Variants in WDR7 observed in about 807,000 individuals in gnomAD.
WDR7 encodes WD repeat domain 7.
WDR7 carries 46 observed loss-of-function variants against 169.4 expected under a neutral mutation model. That is an observed-to-expected ratio of 0.27 (90% confidence interval 0.21 to 0.35). WDR7 has a LOEUF of 0.35. Among genes scored for constraint, WDR7 ranks in the 10% least tolerant of loss-of-function variants. The pLI, the probability that WDR7 is intolerant of heterozygous loss-of-function variation, is 1.00. For missense variants in WDR7, 1,534 were observed against 1,859.3 expected (o/e 0.83, Z 3.22); for synonymous variants, 612 against 666.8 (o/e 0.92, Z 1.27).
intron 20 of WDR7, among the ~76,000 whole-genome samples, chr18:56,874,791 G>A (rs1184666612): frequency 6.6e-6 from 1 of 152,012 alleles, no homozygotes; most frequent in Admixed American, 6.5e-5. Flanking sequence ...AGAATAAAGT[G>A]TGATGTGCGG....
At chr18:56,957,254 A>T (rs1301317164) in intron 25 of WDR7, 1 of 152,162 alleles carries the variant, frequency 6.6e-6, no homozygotes, top group Non-Finnish European at 1.5e-5. Context: ...TCACTTTTGT[A>T]TTAAAGGTTA....
At chr18:56,700,822 G>A (rs992988463) in intron 12 of WDR7, among the ~76,000 whole-genome samples, 1 of 152,054 alleles carries the variant, frequency 6.6e-6, no homozygotes, top group Admixed American at 6.5e-5. Context: ...GCCCGCCTCG[G>A]CCTCCCAAAG....
At chr18:57,008,755 A>G (rs1209352014) in intron 26 of WDR7, among the ~76,000 whole-genome samples, 1 of 152,166 alleles carries the variant, frequency 6.6e-6, no homozygotes, top group Non-Finnish European at 1.5e-5. Context: ...TGTTGATTGC[A>G]CCATACCATA....
At chr18:56,831,405 T>G (rs1298633108) in intron 20 of WDR7, among the ~76,000 whole-genome samples, 1 of 152,052 alleles carries the variant, frequency 6.6e-6, no homozygotes, top group Non-Finnish European at 1.5e-5. Context: ...ACTCTGACAA[T>G]AGATGCTGAA....
chr18:56,877,671 A>C (rs2046044149), intron 20 of WDR7, among the ~76,000 whole-genome samples: 1 of 152,236 alleles, frequency 6.6e-6, no homozygotes, highest in Admixed American at 6.5e-5. Flanking sequence ...GTCACTGCTT[A>C]TCCATGCATA....
chr18:56,721,359 G>A (rs1238721391), intron 13 of WDR7: 1 of 152,084 alleles, frequency 6.6e-6, no homozygotes, highest in African/African-American at 2.4e-5. Flanking sequence ...AGTTCCCTGT[G>A]AAATCCAGTC....
intron 13 of WDR7, among the ~76,000 whole-genome samples, chr18:56,718,862 A>AT (rs1212155532): frequency 5.3e-5 from 8 of 152,178 alleles, no homozygotes; most frequent in African/African-American, 1.9e-4. Flanking sequence ...TTTCTACTAG[A>AT]TTTTTTCCTT....
chr18:56,988,249 A>G (rs35961860), intron 26 of WDR7, among the ~76,000 whole-genome samples: 3,984 of 152,300 alleles, frequency 0.026, 61 homozygotes, highest in Non-Finnish European at 0.04. Context: ...GTGTGTTGTG[A>G]GGCATAAGGT....
intron 12 of WDR7, among the ~76,000 whole-genome samples, chr18:56,714,836 A>G (rs1314737525): frequency 6.6e-6 from 1 of 152,174 alleles, no homozygotes; most frequent in Non-Finnish European, 1.5e-5. Flanking sequence ...GTCAGAGGAG[A>G]ATGTGTCATG....
chr18:57,029,213 C>A lies in WDR7; in HGVS notation c.*2006C>A, dbSNP rs3826642. On this transcript the variant is annotated 3_prime_UTR_variant, in exon 28 of 28. Transcript: ENST00000254442. ...TGCCGCAAACACACGGATGGCTCCCCCCGCCACGAAGGTTGAGAACAAAGC... is the reference window on the plus strand; with the variant it reads ...TGCCGCAAACACACGGATGGCTCCCACCGCCACGAAGGTTGAGAACAAAGC... 47,612 of 152,026 alleles carry A rather than the reference C, an allele frequency of 0.31. 8,485 individuals are homozygous for A. Among genetic ancestry groups the A allele is most frequent in the East Asian group, 0.51 (2,608 of 5,148 alleles). The allele number at this position is 152,026 out of a possible 1,614,324, so 9.4% of individuals were successfully genotyped here. A position where few individuals can be genotyped will look rare whatever the true frequency, so the allele number is the denominator to read the frequency against.
chr18:56,771,816 A>T (rs1371067711), intron 16 of WDR7, among the ~76,000 whole-genome samples: 1 of 151,804 alleles, frequency 6.6e-6, no homozygotes, highest in Admixed American at 6.6e-5. Context: ...CAGGAGGCAG[A>T]GGTTGTGGTG....
chr18:56,844,408 T>TTTATATGAGAGTGGC (rs1288226688), intron 20 of WDR7, among the ~76,000 whole-genome samples: 1 of 152,182 alleles, frequency 6.6e-6, no homozygotes, highest in Non-Finnish European at 1.5e-5. Context: ...CTCAACTTCA[T>TTTATATGAGAGTGGC]TTATATGAGA....
intron 9 of WDR7, among the ~76,000 whole-genome samples, chr18:56,692,565 A>G (rs184634828): frequency 5.7e-4 from 87 of 151,316 alleles, no homozygotes; most frequent in Non-Finnish European, 1.1e-3. Flanking sequence ...TATTTTGAAT[A>G]TATAGAATTT....
At chr18:56,654,127 G>C (rs1302208532) in intron 1 of WDR7, among the ~76,000 whole-genome samples, 1 of 152,052 alleles carries the variant, frequency 6.6e-6, no homozygotes, top group African/African-American at 2.4e-5. Flanking sequence ...CACTACTAAT[G>C]AATCTGAGCA....
At chr18:56,737,312 C>T (rs2026722531) in intron 14 of WDR7, among the ~76,000 whole-genome samples, 1 of 152,180 alleles carries the variant, frequency 6.6e-6, no homozygotes, top group Non-Finnish European at 1.5e-5. Flanking sequence ...GCATTTGCTA[C>T]ATACATGGTT....
At chr18:56,793,144 C>T (rs1347409387) in intron 19 of WDR7, among the ~76,000 whole-genome samples, 1 of 151,808 alleles carries the variant, frequency 6.6e-6, no homozygotes, top group Non-Finnish European at 1.5e-5. Context: ...TTGATACATA[C>T]TTCAGTCTAC....
intron 20 of WDR7, among the ~76,000 whole-genome samples, chr18:56,839,667 G>T (rs1420266815): frequency 1.3e-5 from 2 of 152,140 alleles, no homozygotes; most frequent in African/African-American, 4.8e-5. Context: ...ACTTATTTTT[G>T]AAGTCGATAG....
chr18:56,659,484 C>T (rs1471542158), intron 1 of WDR7, among the ~76,000 whole-genome samples: 1 of 152,076 alleles, frequency 6.6e-6, no homozygotes, highest in Non-Finnish European at 1.5e-5. Context: ...AGAACATACA[C>T]CAGGAGAGGC....
At chr18:56,862,481 A>G (rs947665083) in intron 20 of WDR7, among the ~76,000 whole-genome samples, 7 of 151,732 alleles carry the variant, frequency 4.6e-5, no homozygotes, top group African/African-American at 1.7e-4. Context: ...TTTATATAAC[A>G]TTACCTATAT....
Sources: gnomAD v4.1 joint callset for allele counts (sites outside exome capture counted in the v4.1 genomes callset) on GRCh38, gnomAD v4.1.1 for gene constraint, MANE v1.5 for transcripts, NCBI Gene and HGNC (gene_info 2026-07-23, HGNC 2026-07-21) for gene names.